GNA14: variants seen among roughly 807,000 people sequenced by gnomAD.
GNA14 encodes the protein G protein subunit alpha 14.
In GNA14, 50 loss-of-function variants were observed where a neutral mutation model predicts 42.0. The ratio of observed to expected loss-of-function variants is 1.19; its 90% confidence interval spans 0.95 to 1.51. The LOEUF is 1.51. GNA14 is among the 40% of genes most tolerant of loss of function. The pLI is 0.00. For missense variants in GNA14, 473 were observed against 446.2 expected (o/e 1.06, Z -0.54); for synonymous variants, 173 against 163.1 (o/e 1.06, Z -0.46).
intron 1 of GNA14, among the ~76,000 whole-genome samples, chr9:77,561,116 T>C (rs984686563): frequency 6.6e-6 from 1 of 152,170 alleles, no homozygotes; most frequent in African/African-American, 2.4e-5. Context: ...TATATAGGAA[T>C]TGAATCAGGC....
chr9:77,504,900 T>C (rs1046201710), intron 2 of GNA14, among the ~76,000 whole-genome samples: 1 of 152,024 alleles, frequency 6.6e-6, no homozygotes, highest in African/African-American at 2.4e-5. Flanking sequence ...TCTCCTGACC[T>C]CATGATCCAC....
chr9:77,607,808 G>A (rs1823662845), intron 1 of GNA14, among the ~76,000 whole-genome samples: 1 of 152,058 alleles, frequency 6.6e-6, no homozygotes, highest in Admixed American at 6.6e-5. Flanking sequence ...TCCTCACATG[G>A]TGGAGAGAGA....
chr9:77,436,039 G>A (rs993818628), intron 2 of GNA14, among the ~76,000 whole-genome samples: 1 of 152,182 alleles, frequency 6.6e-6, no homozygotes, highest in Non-Finnish European at 1.5e-5. Flanking sequence ...ATTGTGCGTT[G>A]TTCATCCTTA....
chr9:77,618,248 G>A (rs955885584), intron 1 of GNA14, among the ~76,000 whole-genome samples: 6 of 152,014 alleles, frequency 3.9e-5, no homozygotes, highest in Non-Finnish European at 7.4e-5. Flanking sequence ...GATTCTTAAA[G>A]GATCATTTCA....
chr9:77,475,697 A>C (rs751471823), intron 2 of GNA14, among the ~76,000 whole-genome samples: 1 of 152,188 alleles, frequency 6.6e-6, no homozygotes, highest in Non-Finnish European at 1.5e-5. Flanking sequence ...TCAGGTTGAG[A>C]TAAGCAATCA....
At chr9:77,533,372 GT>G (rs1366484284) in intron 1 of GNA14, among the ~76,000 whole-genome samples, 1 of 152,106 alleles carries the variant, frequency 6.6e-6, no homozygotes, top group Non-Finnish European at 1.5e-5. Flanking sequence ...TAGAGACAGG[GT>G]TTCGCCATGT....
At chr9:77,537,195 T>C (rs1303322430) in intron 1 of GNA14, among the ~76,000 whole-genome samples, 1 of 152,170 alleles carries the variant, frequency 6.6e-6, no homozygotes, top group African/African-American at 2.4e-5. Flanking sequence ...ACTGTATGCT[T>C]GTACCCACTA....
chr9:77,622,090 C>T (rs1823932792), intron 1 of GNA14, among the ~76,000 whole-genome samples: 2 of 152,090 alleles, frequency 1.3e-5, no homozygotes, highest in Admixed American at 6.5e-5. Context: ...TGCGCCAGGC[C>T]TAATTTACTC....
intron 1 of GNA14, among the ~76,000 whole-genome samples, chr9:77,576,927 G>C (rs867523941): frequency 1.3e-5 from 2 of 152,048 alleles, no homozygotes; most frequent in Admixed American, 6.6e-5. Context: ...TCAAATATTT[G>C]AACCCCACCT....
At chr9:77,517,320 G>T (rs545940791) in intron 2 of GNA14, 1 of 152,144 alleles carries the variant, frequency 6.6e-6, no homozygotes, top group Non-Finnish European at 1.5e-5. Context: ...TCAAAAATAG[G>T]GAGCAAGGGG....
chr9:77,640,832 G>T (rs949003505), intron 1 of GNA14, among the ~76,000 whole-genome samples: 1 of 129,632 alleles, frequency 7.7e-6, no homozygotes, highest in African/African-American at 3.1e-5. Flanking sequence ...GGTACAAGAC[G>T]AGCCTGGGGC....
At chr9:77,479,984 T>C (rs925214103) in intron 2 of GNA14, among the ~76,000 whole-genome samples, 20 of 152,228 alleles carry the variant, frequency 1.3e-4, no homozygotes, top group Admixed American at 3.9e-4. Context: ...TATACAATCA[T>C]GTCATCTGCA....
intron 1 of GNA14, among the ~76,000 whole-genome samples, chr9:77,637,599 GT>G (rs1242409902): frequency 8.5e-5 from 13 of 152,226 alleles, no homozygotes; most frequent in Non-Finnish European, 1.9e-4. Context: ...GCTCATGCCT[GT>G]GATTCCAATG....
intron 1 of GNA14, among the ~76,000 whole-genome samples, chr9:77,554,704 C>T (rs915484319): frequency 6.6e-6 from 1 of 152,150 alleles, no homozygotes; most frequent in Non-Finnish European, 1.5e-5. Flanking sequence ...CACTGTAATT[C>T]CTTTCTAAAT....
intron 1 of GNA14, among the ~76,000 whole-genome samples, chr9:77,592,039 C>T (rs568823674): frequency 6.6e-6 from 1 of 152,172 alleles, no homozygotes; most frequent in East Asian, 1.9e-4. Context: ...CTCAGCCTCC[C>T]AAGTAGCTGG....
chr9:77,468,270 T>C (rs1459718414), intron 2 of GNA14, among the ~76,000 whole-genome samples: 1 of 152,206 alleles, frequency 6.6e-6, no homozygotes, highest in Admixed American at 6.5e-5. Context: ...ATAAATGTTT[T>C]TCCATTTGCT....
At chr9:77,624,431 A>C (rs1823981822) in intron 1 of GNA14, among the ~76,000 whole-genome samples, 1 of 152,196 alleles carries the variant, frequency 6.6e-6, no homozygotes, top group Non-Finnish European at 1.5e-5. Flanking sequence ...TAAGAGACAG[A>C]CTGCCTCCTC....
chr9:77,567,407 CT>C (rs1235936319), intron 1 of GNA14, among the ~76,000 whole-genome samples: 2 of 152,060 alleles, frequency 1.3e-5, no homozygotes, highest in African/African-American at 2.4e-5. Context: ...AAAGAACTAA[CT>C]TTAACTATCA....
intron 2 of GNA14, among the ~76,000 whole-genome samples, chr9:77,515,881 G>A (rs907356844): frequency 6.7e-6 from 1 of 148,732 alleles, no homozygotes; most frequent in African/African-American, 2.5e-5. Context: ...GATTGCTTAA[G>A]CCTGGGAGGT....
Sources: gnomAD v4.1 joint callset for allele counts (sites outside exome capture counted in the v4.1 genomes callset) on GRCh38, gnomAD v4.1.1 for gene constraint, MANE v1.5 for transcripts, NCBI Gene and HGNC (gene_info 2026-07-23, HGNC 2026-07-21) for gene names.